The following SNX18 variants were observed in gnomAD, a reference collection of about 807,000 sequenced individuals.
SNX18 encodes the protein sorting nexin-18.
SNX18 carries 35 observed loss-of-function variants against 48.7 expected under a neutral mutation model. The observed-to-expected ratio is 0.72, with a 90% CI of 0.55 to 0.95. The LOEUF is 0.95. SNX18 is among the 40% of genes least tolerant of loss of function. SNX18 has a pLI of 0.00. For synonymous variants in SNX18, 492 were observed against 384.7 expected (o/e 1.28, Z -3.26); for missense variants, 824 against 871.0 (o/e 0.95, Z 0.68).
At chr5:54,596,416 C>G in the SNX18 span, among the ~76,000 whole-genome samples, 2 of 152,130 alleles carry the variant, frequency 1.3e-5, no homozygotes, top group African/African-American at 4.8e-5. Context: ...TTTAAAAAGG[C>G]CTTCATCTAC....
At chr5:54,601,688 G>A in the SNX18 span, among the ~76,000 whole-genome samples, 17 of 152,020 alleles carry the variant, frequency 1.1e-4, no homozygotes, top group Admixed American at 3.3e-4. Context: ...CGAGGTTATC[G>A]TCCCCATAGT....
intron 1 of SNX18, among the ~76,000 whole-genome samples, chr5:54,521,575 C>A (rs1482306724): frequency 2.0e-5 from 3 of 151,432 alleles, no homozygotes; most frequent in Non-Finnish European, 4.4e-5. Flanking sequence ...GTGGCTCATA[C>A]CTATAGTCCT....
chr5:54,537,255 A>G (rs1242385203), intron 1 of SNX18, among the ~76,000 whole-genome samples: 1 of 152,228 alleles, frequency 6.6e-6, no homozygotes, highest in Non-Finnish European at 1.5e-5. Flanking sequence ...ATGTATGAAT[A>G]GTGTTTTCTT....
At chr5:54,542,339 A>T (rs1233044339) in intron 1 of SNX18, among the ~76,000 whole-genome samples, 4 of 152,206 alleles carry the variant, frequency 2.6e-5, no homozygotes, top group Non-Finnish European at 5.9e-5. Flanking sequence ...GCATGAGATT[A>T]TGGAACCGCT....
In SNX18 at chr5:54,518,183, C is replaced by T; in HGVS notation, c.231C>T (p.Arg77=). 3 of 1,387,554 alleles carry T rather than the reference C, an allele frequency of 2.2e-6. No individual in the cohort carries two copies. The highest frequency in any genetic ancestry group is 2.8e-6 in the Non-Finnish European group (3 of 1,079,408). The allele number at this position is 1,387,554 out of a possible 1,614,324, so 86.0% of individuals were successfully genotyped here. A position where few individuals can be genotyped will look rare whatever the true frequency, so the allele number is the denominator to read the frequency against. Residue 77 remains arginine, a synonymous_variant, in exon 1 of 2, where the codon CGC becomes CGT. Transcript: ENST00000381410. ...AGDGGPGAPA[R]YANVPPGGFE... is the part of the protein sequence containing the mutation. ...ACGGCGGCCCGGGCGCCCCGGCCCGCTACGCCAATGTGCCCCCCGGGGGCT... is the reference window on the plus strand; with the variant it reads ...ACGGCGGCCCGGGCGCCCCGGCCCGTTACGCCAATGTGCCCCCCGGGGGCT...
At chr5:54,591,102 C>T in the SNX18 span, among the ~76,000 whole-genome samples, 1 of 152,152 alleles carries the variant, frequency 6.6e-6, no homozygotes, top group Non-Finnish European at 1.5e-5. Flanking sequence ...CAGGAATAAA[C>T]ACCTAAAGGT....
intron 1 of SNX18, among the ~76,000 whole-genome samples, chr5:54,522,291 C>T (rs1048739738): frequency 1.2e-4 from 18 of 152,086 alleles, no homozygotes; most frequent in Admixed American, 1.1e-3. Flanking sequence ...ATCTCAATTC[C>T]GTCACCTCCC....
chr5:54,635,341 A>T, the SNX18 span, among the ~76,000 whole-genome samples: 1 of 152,034 alleles, frequency 6.6e-6, no homozygotes, highest in Non-Finnish European at 1.5e-5. Flanking sequence ...TTGCTGTGAA[A>T]AGGGAAAATA....
chr5:54,605,564 A>G, the SNX18 span, among the ~76,000 whole-genome samples: 1 of 152,194 alleles, frequency 6.6e-6, no homozygotes, highest in Admixed American at 6.5e-5. Flanking sequence ...TAAAAAGTTT[A>G]ATTATATGTT....
chr5:54,573,607 T>A, the SNX18 span, among the ~76,000 whole-genome samples: 17 of 152,102 alleles, frequency 1.1e-4, no homozygotes, highest in African/African-American at 4.1e-4. Context: ...GAGATGAAGA[T>A]AAAGAGGTAG....
At chr5:54,526,237 T>G (rs1187688835) in intron 1 of SNX18, among the ~76,000 whole-genome samples, 1 of 152,092 alleles carries the variant, frequency 6.6e-6, no homozygotes, top group Non-Finnish European at 1.5e-5. Flanking sequence ...CCCGAGTAAC[T>G]GGGATTACAG....
the SNX18 span, among the ~76,000 whole-genome samples, chr5:54,603,548 A>T: frequency 6.6e-6 from 1 of 152,202 alleles, no homozygotes; most frequent in Admixed American, 6.5e-5. Flanking sequence ...TCCCAGAGGA[A>T]GATGATGTAA....
chr5:54,525,973 C>G (rs550309937), intron 1 of SNX18, among the ~76,000 whole-genome samples: 2 of 152,244 alleles, frequency 1.3e-5, no homozygotes, highest in East Asian at 3.9e-4. Context: ...CTAGGAACTT[C>G]GAATGTAAAA....
chr5:54,642,779 C>A, the SNX18 span, among the ~76,000 whole-genome samples: 11 of 152,154 alleles, frequency 7.2e-5, no homozygotes, highest in Non-Finnish European at 1.3e-4. Context: ...ACCATATCAG[C>A]AAGAAAATCA....
the SNX18 span, among the ~76,000 whole-genome samples, chr5:54,622,182 C>A: frequency 5.9e-5 from 9 of 152,218 alleles, no homozygotes; most frequent in South Asian, 1.4e-3. Context: ...CACCCTTAAC[C>A]AAGATTTGAT....
chr5:54,570,901 CA>C, the SNX18 span, among the ~76,000 whole-genome samples: 1 of 152,164 alleles, frequency 6.6e-6, no homozygotes, highest in African/African-American at 2.4e-5. Flanking sequence ...GATTATAGTA[CA>C]AAAAGGTTAA....
the SNX18 span, among the ~76,000 whole-genome samples, chr5:54,595,092 T>G: frequency 1.3e-5 from 2 of 152,238 alleles, no homozygotes; most frequent in South Asian, 4.1e-4. Flanking sequence ...CCTAGGTTGA[T>G]TCCATGTCTT....
At chr5:54,574,781 G>A in the SNX18 span, among the ~76,000 whole-genome samples, 1 of 152,052 alleles carries the variant, frequency 6.6e-6, no homozygotes, top group Non-Finnish European at 1.5e-5. Flanking sequence ...GGGTGTACAT[G>A]TATGAAGGGC....
At position 54,518,070 on chromosome 5, in the gene SNX18, G is replaced by T; in HGVS notation, c.118G>T (p.Glu40Ter). 6.5e-7 allele frequency: 1 copy of T among 1,542,952 alleles called. No homozygotes were observed. The highest frequency in any genetic ancestry group is 8.7e-7 in the Non-Finnish European group (1 of 1,150,124). The stretch of plus-strand genomic sequence containing the variant: ...CGAGCAGGACATCGAGGGCTGGCTC[G>T]AGGGGGTCAACAGCCGCGGCGACCG... ...CSEQDIEGWLEGVNSRGDRGL... is the reference protein window; with the variant it reads ...CSEQDIEGWL Residue 40 changes from glutamate (E) to a stop codon, truncating the protein, a stop_gained, in exon 1 of 2, where the codon GAG becomes TAG. Coordinates refer to ENST00000381410, the MANE Select transcript of SNX18 (RefSeq NM_001102575.2). LOFTEE classifies it high-confidence loss of function.
Sources: allele counts gnomAD v4.1 joint callset (sites outside exome capture counted in the v4.1 genomes callset), GRCh38; gene constraint gnomAD v4.1.1; transcripts MANE v1.5; gene names NCBI Gene and HGNC (gene_info 2026-07-23, HGNC 2026-07-21).